The following BLTP1 variants were observed in gnomAD, a reference collection of about 807,000 sequenced individuals.
BLTP1 encodes fragile site-associated protein.
At chr4:122,168,617 A>G in the BLTP1 span, among the ~76,000 whole-genome samples, 4 of 152,210 alleles carry the variant, frequency 2.6e-5, no homozygotes, top group Middle Eastern at 0.014. Context: ...AGAAAGAGAA[A>G]GCTCATGTTA....
At chr4:122,199,527 G>A in the BLTP1 span, 2 of 1,262,236 alleles carry the variant, frequency 1.6e-6, no homozygotes, top group Non-Finnish European at 2.3e-6. Flanking sequence ...TTAAGTTTAA[G>A]TAACCAGGAA....
the BLTP1 span, chr4:122,186,255 T>C: frequency 6.4e-7 from 1 of 1,559,566 alleles, no homozygotes; most frequent in Non-Finnish European, 8.7e-7. Context: ...TATTAAACTC[T>C]AGCATTTAAA....
At chr4:122,222,601 T>C in the BLTP1 span, among the ~76,000 whole-genome samples, 3 of 152,072 alleles carry the variant, frequency 2.0e-5, no homozygotes, top group Non-Finnish European at 2.9e-5. Context: ...CTTCCTTGCC[T>C]CTTCTTAGGC....
the BLTP1 span, chr4:122,246,597 A>G: frequency 6.9e-7 from 1 of 1,455,112 alleles, no homozygotes; most frequent in Non-Finnish European, 9.4e-7. Context: ...TGCCATTCTT[A>G]ACAGTAGTTT....
chr4:122,153,276 G>T, the BLTP1 span, among the ~76,000 whole-genome samples: 5 of 149,938 alleles, frequency 3.3e-5, no homozygotes, highest in African/African-American at 4.9e-5. Flanking sequence ...CTGTCTAAGC[G>T]CCTGTAAGTT....
At chr4:122,284,612 A>G in the BLTP1 span, among the ~76,000 whole-genome samples, 1 of 152,154 alleles carries the variant, frequency 6.6e-6, no homozygotes, top group Admixed American at 6.5e-5. Context: ...CTGCTTATTC[A>G]TGTGTTTTGT....
At chr4:122,314,127 A>G in the BLTP1 span, 2 of 984,982 alleles carry the variant, frequency 2.0e-6, no homozygotes, top group African/African-American at 3.5e-5. Flanking sequence ...AGGGACAAAC[A>G]TTTAAACAAG....
chr4:122,335,098 C>T, the BLTP1 span, among the ~76,000 whole-genome samples: 16 of 151,848 alleles, frequency 1.1e-4, no homozygotes, highest in East Asian at 3.0e-3. Flanking sequence ...GCTGAAACAT[C>T]TGCCTCCATC....
the BLTP1 span, chr4:122,193,676 C>A: frequency 1.1e-6 from 1 of 923,830 alleles, no homozygotes; most frequent in Non-Finnish European, 1.3e-6. Context: ...TTTAGTTTTT[C>A]TATTCATGAA....
At chr4:122,316,588 G>T in the BLTP1 span, 3 of 1,087,238 alleles carry the variant, frequency 2.8e-6, no homozygotes. Flanking sequence ...AAATTGAAGG[G>T]ATTTAAATCA....
chr4:122,181,517 G>A, the BLTP1 span, among the ~76,000 whole-genome samples: 1 of 151,812 alleles, frequency 6.6e-6, no homozygotes, highest in African/African-American at 2.4e-5. Context: ...ATATGGATCT[G>A]CCCTTAATCA....
chr4:122,274,815 A>G, the BLTP1 span: 1 of 165,922 alleles, frequency 6.0e-6, no homozygotes, highest in African/African-American at 2.4e-5. Flanking sequence ...TCAGCGTTAT[A>G]AAAATTAAGT....
chr4:122,290,147 C>G, the BLTP1 span, among the ~76,000 whole-genome samples: 1 of 152,102 alleles, frequency 6.6e-6, no homozygotes, highest in Non-Finnish European at 1.5e-5. Context: ...TGGGCTGGTT[C>G]TGGTTGTATC....
At chr4:122,354,334 C>A in the BLTP1 span, among the ~76,000 whole-genome samples, 1 of 151,872 alleles carries the variant, frequency 6.6e-6, no homozygotes, top group Non-Finnish European at 1.5e-5. Flanking sequence ...TCTAGTAATG[C>A]TAAAAAATGG....
the BLTP1 span, chr4:122,271,506 C>G: frequency 6.2e-7 from 1 of 1,613,292 alleles, no homozygotes; most frequent in Non-Finnish European, 8.5e-7. Flanking sequence ...TTAGGAAGAT[C>G]TGAAAGAAGA....
At chr4:122,214,137 C>G in the BLTP1 span, 6 of 769,392 alleles carry the variant, frequency 7.8e-6, no homozygotes, top group Middle Eastern at 1.3e-3. Context: ...ATTGTATTAG[C>G]TGTCATCTTT....
At chr4:122,362,235 A>G in the BLTP1 span, 1 of 1,612,012 alleles carries the variant, frequency 6.2e-7, no homozygotes, top group Non-Finnish European at 8.5e-7. Flanking sequence ...GCAAAGACAA[A>G]GAAGAACACT....
At chr4:122,246,895 AT>A in the BLTP1 span, 1 of 1,528,090 alleles carries the variant, frequency 6.5e-7, no homozygotes, top group Middle Eastern at 1.8e-4. Flanking sequence ...TTAAAAATAC[AT>A]TTCTAAGAAT....
chr4:122,348,507 G>T, the BLTP1 span: 4 of 1,412,728 alleles, frequency 2.8e-6, no homozygotes, highest in Non-Finnish European at 3.8e-6. Flanking sequence ...AATAGTTTTT[G>T]CTTTGTAACT....
Sources: allele counts gnomAD v4.1 joint callset (sites outside exome capture counted in the v4.1 genomes callset), GRCh38; gene constraint gnomAD v4.1.1; transcripts MANE v1.5; gene names NCBI Gene and HGNC (gene_info 2026-07-23, HGNC 2026-07-21).